The following DDHD2 variants were observed in gnomAD, a reference collection of about 807,000 sequenced individuals.
DDHD2 encodes triacylglycerol hydrolase DDHD2.
In DDHD2, 62 loss-of-function variants were observed where a neutral mutation model predicts 91.2. The ratio of observed to expected loss-of-function variants is 0.68; its 90% CI spans 0.55 to 0.84. The LOEUF is 0.84. DDHD2 is among the 40% of genes least tolerant of loss of function. The probability of loss-of-function intolerance (pLI) is 0.00; values close to 1 mark genes in which losing one functional copy is unlikely to be tolerated. For synonymous variants in DDHD2, 271 were observed against 293.9 expected (o/e 0.92, Z 0.80); for missense variants, 740 against 846.9 (o/e 0.87, Z 1.57).
chr8:38,253,470 T>G (rs1806270233), intron 15 of DDHD2, 86 bp from the exon 16 acceptor site: 11 of 1,194,010 alleles, frequency 9.2e-6, no homozygotes, highest in Non-Finnish European at 1.3e-5. Flanking sequence ...CATTCTCTGG[T>G]AAACTTGGAG....
At position 38,249,801 on chromosome 8, in the gene DDHD2, A is replaced by C. The variant is rs150297742; in HGVS notation, c.1342A>C (p.Met448Leu). Reference protein sequence around the residue: ...LNYFSTRKNSMGIKRPAPQPA... With the variant: ...LNYFSTRKNSLGIKRPAPQPA... ...CTATTTCAGCACCAGAAAAAACTCA[A>C]TGGTATGTGCCTAATACAGCTTGTT... is the stretch of plus-strand genomic sequence containing the variant. Residue 448 changes from methionine (M) to leucine (L), a missense_variant and splice_region_variant, in exon 11 of 18, where the codon ATG (methionine) becomes CTG (leucine). Physicochemically the swap from Met to Leu is conservative, Grantham distance 15 (BLOSUM62 2). Transcript: ENST00000397166. 1 of 1,592,406 alleles carries C rather than the reference A, an allele frequency of 6.3e-7. No individual in the cohort carries two copies. The highest frequency in any genetic ancestry group is 1.1e-5 in the South Asian group (1 of 90,418).
At chr8:38,232,230 CCCG>C (rs1804322675) in intron 1 of DDHD2, 1 of 153,142 alleles carries the variant, frequency 6.5e-6, no homozygotes, top group Non-Finnish European at 1.5e-5. Context: ...CCTCCTGCCC[CCCG>C]CCCTACGAGG....
At chr8:38,270,137 C>T (rs1335777521) in intron 1 of DDHD2, 2 of 152,146 alleles carry the variant, frequency 1.3e-5, no homozygotes, top group African/African-American at 4.8e-5. Flanking sequence ...ACACTAATCC[C>T]TTAGTGTCAA....
downstream of DDHD2, chr8:38,267,798 A>G: frequency 8.1e-7 from 1 of 1,229,432 alleles, no homozygotes; most frequent in Non-Finnish European, 1.2e-6. Context: ...GATAAAGGAG[A>G]AAAGAATGAG....
chr8:38,238,139 A>G lies in DDHD2; in HGVS notation c.552A>G (p.Thr184=), dbSNP rs374416133. The change falls in exon 5 of 18, where the codon ACA becomes ACG. Residue 184 remains threonine, a synonymous_variant. Transcript: ENST00000397166. Reference sequence around the variant, plus strand: ...CAGGGTCTGATGATTGGGGTTCAACACCCACGGAGCAGGGTCGACCAAGAA... The same window carrying G: ...CAGGGTCTGATGATTGGGGTTCAACGCCCACGGAGCAGGGTCGACCAAGAA... The part of the protein sequence containing the change: ...PVAGSDDWGS[T]PTEQGRPRTV... 4 of 1,613,796 alleles carry G rather than the reference A, an allele frequency of 2.5e-6. No homozygotes were observed. In the African/African-American group the frequency reaches 5.3e-5, roughly 22 times the overall value.
At chr8:38,255,940 C>G (rs1047974077) in intron 16 of DDHD2, among the ~76,000 whole-genome samples, 1 of 152,046 alleles carries the variant, frequency 6.6e-6, no homozygotes, top group Non-Finnish European at 1.5e-5. Flanking sequence ...TTTTATACTC[C>G]CAGCAATAAT....
intron 5 of DDHD2, chr8:38,238,780 A>T: frequency 1.4e-6 from 1 of 722,776 alleles, no homozygotes; most frequent in Non-Finnish European, 1.7e-6. Flanking sequence ...GTATTTTATC[A>T]ATGTTCAGTT....
chr8:38,235,419 G>A (rs941552894), intron 3 of DDHD2, among the ~76,000 whole-genome samples: 1 of 151,700 alleles, frequency 6.6e-6, no homozygotes, highest in Non-Finnish European at 1.5e-5. Context: ...GTGTTTTAAG[G>A]TGTAAAAAAA....
chr8:38,232,657 T>C (rs573414664), intron 1 of DDHD2, among the ~76,000 whole-genome samples: 23 of 152,360 alleles, frequency 1.5e-4, no homozygotes, highest in African/African-American at 5.5e-4. Flanking sequence ...AGATTGGAAA[T>C]TAGGGTAAAA....
chr8:38,253,444 TGAACAGA>T, intron 15 of DDHD2, 105 bp from the exon 16 acceptor site: 1 of 954,948 alleles, frequency 1.0e-6, no homozygotes, highest in Non-Finnish European at 1.6e-6. Flanking sequence ...GAGAGCTCTC[TGAACAGA>T]GAGTAGCTCA....
chr8:38,253,239 G>T, intron 15 of DDHD2, 112 bp downstream of exon 15: 4 of 1,159,600 alleles, frequency 3.4e-6, no homozygotes, highest in Non-Finnish European at 4.8e-6. Context: ...AGTTAATATT[G>T]CATTCTTTTG....
In DDHD2 at chr8:38,245,964, T is replaced by G; in HGVS notation, c.1057+14T>G. ...GTCATAGTTTAGGTAACAAAATGAGTTCTGTGTGACCAGAGAAGACTATCA... is the reference window on the plus strand; with the variant it reads ...GTCATAGTTTAGGTAACAAAATGAGGTCTGTGTGACCAGAGAAGACTATCA... On this transcript the variant is annotated intron_variant, in intron 8 of 17. Transcript: ENST00000397166. 1.2e-6 allele frequency: 2 copies of G among 1,604,862 alleles called. No individual in the cohort carries two copies. The highest frequency in any genetic ancestry group is 1.7e-6 in the Non-Finnish European group (2 of 1,173,786).
chr8:38,269,174 G>A, intron 1 of DDHD2: 1 of 1,505,756 alleles, frequency 6.6e-7, no homozygotes, highest in Admixed American at 2.1e-5. Flanking sequence ...GGCCCCAAAG[G>A]CCACCGCCGC....
intron 1 of DDHD2, chr8:38,269,060 C>T: frequency 6.6e-7 from 1 of 1,522,726 alleles, no homozygotes; most frequent in South Asian, 1.2e-5. Flanking sequence ...GCCCGACCCG[C>T]CGCCCCGTGC....
chr8:38,252,363 T>A, intron 13 of DDHD2, 76 bp downstream of exon 13: 1 of 1,502,202 alleles, frequency 6.7e-7, no homozygotes, highest in South Asian at 1.3e-5. Context: ...TTTTCTGTTG[T>A]GTTGATTTTT....
chr8:38,238,016 C>T, intron 4 of DDHD2, 73 bp from the exon 5 acceptor site: 2 of 1,415,942 alleles, frequency 1.4e-6, no homozygotes, highest in Non-Finnish European at 1.9e-6. Flanking sequence ...CATGATTCTA[C>T]ACTTAAAACT....
chr8:38,254,835 C>G (rs184322687), intron 16 of DDHD2, among the ~76,000 whole-genome samples: 12 of 151,996 alleles, frequency 7.9e-5, no homozygotes, highest in African/African-American at 2.7e-4. Flanking sequence ...CTGCAGTGAG[C>G]CATGATGGTG....
intron 3 of DDHD2, among the ~76,000 whole-genome samples, chr8:38,235,584 G>A (rs1434937168): frequency 2.6e-5 from 4 of 151,852 alleles, no homozygotes; most frequent in African/African-American, 7.3e-5. Context: ...AGCTGGGCAC[G>A]GTGGTGCACG....
chr8:38,263,371 T>G, downstream of DDHD2: 1 of 985,244 alleles, frequency 1.0e-6, no homozygotes, highest in Non-Finnish European at 1.2e-6. Context: ...CTTTTCTACC[T>G]TAGTCACTTG....
Sources: gnomAD v4.1 joint callset for allele counts (sites outside exome capture counted in the v4.1 genomes callset) on GRCh38, gnomAD v4.1.1 for gene constraint, MANE v1.5 for transcripts, NCBI Gene and HGNC (gene_info 2026-07-23, HGNC 2026-07-21) for gene names.